Variants in CTNNA2 observed in about 807,000 individuals in gnomAD.
CTNNA2 encodes catenin alpha-2.
Under a neutral mutation model 101.0 loss-of-function variants are expected in CTNNA2, and 42 were observed. The ratio of observed to expected loss-of-function variants is 0.42; its 90% CI spans 0.32 to 0.54. The LOEUF (loss-of-function observed/expected upper bound fraction) is 0.54. Ranked by LOEUF, CTNNA2 falls within the 20% of genes least tolerant of loss-of-function variation. The probability of loss-of-function intolerance (pLI) is 0.14; values close to 1 mark genes in which losing one functional copy is unlikely to be tolerated. For missense variants in CTNNA2, 871 were observed against 1,223.1 expected (o/e 0.71, Z 4.29); for synonymous variants, 450 against 456.4 (o/e 0.99, Z 0.18).
chr2:80,088,158 A>T (rs1699563852), intron 7 of CTNNA2, among the ~76,000 whole-genome samples: 1 of 151,984 alleles, frequency 6.6e-6, no homozygotes, highest in Non-Finnish European at 1.5e-5. Flanking sequence ...TCCTAATATC[A>T]CTGTTTTGGA....
At chr2:80,043,125 CCTTCCT>C (rs1558755341) in intron 7 of CTNNA2, among the ~76,000 whole-genome samples, 686 of 27,190 alleles carry the variant, frequency 0.025, 10 homozygotes, top group Non-Finnish European at 0.039. Flanking sequence ...CTTTCTCCTT[CCTTCCT>C]TCCTTCCTTC....
chr2:79,849,959 T>C (rs921943767), intron 3 of CTNNA2, among the ~76,000 whole-genome samples: 1 of 152,144 alleles, frequency 6.6e-6, no homozygotes, highest in Non-Finnish European at 1.5e-5. Context: ...ATGTAAGGTA[T>C]GATTAAATAA....
At chr2:79,394,124 C>T (rs1678203988) in intron 4 of CTNNA2, among the ~76,000 whole-genome samples, 1 of 152,104 alleles carries the variant, frequency 6.6e-6, no homozygotes, top group Non-Finnish European at 1.5e-5. Flanking sequence ...GAGAAAGAGG[C>T]TTTTACGTGC....
chr2:79,657,054 TA>T (rs35199168), intron 2 of CTNNA2, among the ~76,000 whole-genome samples: 10 of 150,774 alleles, frequency 6.6e-5, no homozygotes, highest in South Asian at 2.1e-4. Flanking sequence ...CTTAAGGAAT[TA>T]AAAAAAATCA....
At chr2:80,506,850 T>C (rs1188782258) in intron 9 of CTNNA2, among the ~76,000 whole-genome samples, 1 of 152,200 alleles carries the variant, frequency 6.6e-6, no homozygotes, top group East Asian at 1.9e-4. Context: ...AAAATGACTA[T>C]AGAAGCCAGA....
intron 18 of CTNNA2, among the ~76,000 whole-genome samples, chr2:80,647,097 G>T (rs1219573946): frequency 4.6e-5 from 7 of 151,988 alleles, no homozygotes; most frequent in Non-Finnish European, 8.8e-5. Context: ...TAGTTAAATT[G>T]ATACTCCAAG....
chr2:80,447,730 T>C (rs1482456596), intron 9 of CTNNA2, among the ~76,000 whole-genome samples: 1 of 151,778 alleles, frequency 6.6e-6, no homozygotes, highest in African/African-American at 2.4e-5. Context: ...AATCCCTTGA[T>C]GTACCCAACC....
chr2:80,393,287 G>A lies in CTNNA2; in HGVS notation c.1133G>A (p.Arg378Lys). The part of the protein sequence containing the change: ...KMTKKTRDLR[R>K]QLRKAVMDHI... ...ACTAAGAAAACAAGAGATCTAAGGAGACAGGTACTATTTTTTATTTTTACT... is the reference window on the plus strand; with the variant it reads ...ACTAAGAAAACAAGAGATCTAAGGAAACAGGTACTATTTTTTATTTTTACT... The change falls in exon 8 of 19, where the codon AGA (arginine) becomes AAA (lysine). Residue 378 changes from arginine (R) to lysine (K), a missense_variant. Coordinates refer to ENST00000402739, the MANE Select transcript of CTNNA2 (RefSeq NM_001282597.3). 6.2e-7 allele frequency: 1 copy of A among 1,604,010 alleles called. No homozygotes were observed. Among genetic ancestry groups the A allele is most frequent in the Admixed American group, 1.7e-5 (1 of 58,984 alleles).
At chr2:79,840,970 C>T (rs1007170765) in intron 3 of CTNNA2, among the ~76,000 whole-genome samples, 3 of 152,102 alleles carry the variant, frequency 2.0e-5, no homozygotes, top group Non-Finnish European at 4.4e-5. Flanking sequence ...GGGGTTTCAC[C>T]GTGTTAGCCA....
intron 3 of CTNNA2, among the ~76,000 whole-genome samples, chr2:79,358,056 C>A (rs1402464491): frequency 3.3e-5 from 5 of 151,752 alleles, no homozygotes; most frequent in Non-Finnish European, 2.9e-5. Flanking sequence ...TTTAAAAAAA[C>A]CAAAGATGAA....
chr2:79,476,247 C>A (rs893907118), intron 4 of CTNNA2, among the ~76,000 whole-genome samples: 6 of 152,100 alleles, frequency 3.9e-5, no homozygotes, highest in Non-Finnish European at 1.5e-5. Context: ...AACAGAAGCT[C>A]AGCTCTTTAG....
chr2:79,340,833 C>CAAAAAA (rs56276462), intron 3 of CTNNA2, among the ~76,000 whole-genome samples: 228 of 31,362 alleles, frequency 7.3e-3, no homozygotes, highest in African/African-American at 9.3e-3. Flanking sequence ...GACTCAGTCT[C>CAAAAAA]AAAAAAAAAA....
intron 9 of CTNNA2, among the ~76,000 whole-genome samples, chr2:80,527,811 T>G (rs887046626): frequency 6.6e-6 from 1 of 152,236 alleles, no homozygotes; most frequent in East Asian, 1.9e-4. Context: ...TTAAAGTAAA[T>G]TTAAATGAAA....
At chr2:80,296,253 T>C (rs778414267) in intron 7 of CTNNA2, among the ~76,000 whole-genome samples, 6 of 152,110 alleles carry the variant, frequency 3.9e-5, no homozygotes, top group Non-Finnish European at 8.8e-5. Flanking sequence ...ACAGTTTTGG[T>C]TGGGGAAGAA....
upstream of CTNNA2, among the ~76,000 whole-genome samples, chr2:79,510,885 G>C (rs1194693600): frequency 6.6e-6 from 1 of 151,932 alleles, no homozygotes; most frequent in African/African-American, 2.4e-5. Flanking sequence ...TGACTAGACA[G>C]CACTTGGTTT....
chr2:80,611,460 T>G (rs990348336), intron 17 of CTNNA2, among the ~76,000 whole-genome samples: 1 of 151,524 alleles, frequency 6.6e-6, no homozygotes, highest in Non-Finnish European at 1.5e-5. Flanking sequence ...GGAGAAAAGT[T>G]AAGCCATATA....
At chr2:79,922,674 C>G (rs1400660541) in intron 7 of CTNNA2, among the ~76,000 whole-genome samples, 1 of 133,348 alleles carries the variant, frequency 7.5e-6, no homozygotes, top group African/African-American at 2.8e-5. Flanking sequence ...TTTCAAGATT[C>G]TGGAAGGATC....
At chr2:80,369,064 A>G (rs1189071584) in intron 7 of CTNNA2, among the ~76,000 whole-genome samples, 2 of 152,052 alleles carry the variant, frequency 1.3e-5, no homozygotes, top group Non-Finnish European at 2.9e-5. Flanking sequence ...GAACAGGTTC[A>G]TAAAGTTTAT....
At position 79,968,630 on chromosome 2, in the gene CTNNA2, G is replaced by A. The variant is rs111325403; in HGVS notation, c.1056+58833G>A. On this transcript the variant is annotated intron_variant, in intron 7 of 18. Transcript: ENST00000402739. ...GAGACCAGCCTGGGCAATATTGTAAGACCCTCAACTCTGCAAAACCAAACA... is the reference window on the plus strand; with the variant it reads ...GAGACCAGCCTGGGCAATATTGTAAAACCCTCAACTCTGCAAAACCAAACA... Among the ~76,000 whole-genome samples, 1,440 of 152,068 alleles carry A rather than the reference G, an allele frequency of 9.5e-3. 26 individuals carry two copies. The highest frequency in any genetic ancestry group is 0.033 in the African/African-American group (1,355 of 41,482).
Sources: allele counts gnomAD v4.1 joint callset (sites outside exome capture counted in the v4.1 genomes callset), GRCh38; gene constraint gnomAD v4.1.1; transcripts MANE v1.5; gene names NCBI Gene and HGNC (gene_info 2026-07-23, HGNC 2026-07-21).